RGSL1: variants seen among roughly 807,000 people sequenced by gnomAD.
RGSL1 encodes the protein regulator of G protein signaling protein-like.
In RGSL1, 97 loss-of-function variants were observed where a neutral mutation model predicts 124.7. The observed-to-expected ratio is 0.78, with a 90% CI of 0.66 to 0.92. The LOEUF is 0.92. Ranked by LOEUF, RGSL1 falls within the 40% of genes least tolerant of loss-of-function variation. The probability of loss-of-function intolerance (pLI) is 0.00; values close to 1 mark genes in which losing one functional copy is unlikely to be tolerated. For missense variants in RGSL1, 1,233 were observed against 1,288.4 expected, an observed-to-expected ratio of 0.96 and a Z score of 0.66; for synonymous variants, 424 against 438.1, an observed-to-expected ratio of 0.97 and a Z score of 0.40.
chr1:182,514,483 C>T (rs1048995820), intron 9 of RGSL1, among the ~76,000 whole-genome samples: 6 of 152,180 alleles, frequency 3.9e-5, no homozygotes, highest in African/African-American at 1.4e-4. Context: ...CTCAGGGTCC[C>T]ATTCAAAAGT....
chr1:182,480,043 T>C (rs1045528162), intron 6 of RGSL1, among the ~76,000 whole-genome samples: 7 of 152,212 alleles, frequency 4.6e-5, no homozygotes, highest in African/African-American at 1.7e-4. Context: ...GTTGCTTTAA[T>C]AGAAGACTTC....
intron 9 of RGSL1, among the ~76,000 whole-genome samples, chr1:182,502,265 T>G (rs982163932): frequency 3.3e-5 from 5 of 152,102 alleles, no homozygotes; most frequent in Non-Finnish European, 5.9e-5. Context: ...TAGTCTTTAT[T>G]ATTCCTTTCT....
rs146131024 is a variant in RGSL1 at position 182,504,569 on chromosome 1, G to T, written c.1825+11440G>T. Among the ~76,000 whole-genome samples the T allele has an allele frequency of 2.8e-3, 396 of 139,014 alleles. 6 individuals carry two copies. In the East Asian group the frequency reaches 0.03, roughly 11 times the overall value. The allele number at this position is 139,014 out of a possible 152,430, so 91.2% of individuals were successfully genotyped here. A position where few individuals can be genotyped will look rare whatever the true frequency, so the allele number is the denominator to read the frequency against. On this transcript the variant is annotated intron_variant, in intron 9 of 21. Coordinates refer to ENST00000294854, the MANE Select transcript of RGSL1 (RefSeq NM_001137669.2). Reference sequence around the variant, plus strand: ...TATAATGTAGCAACTATGGAAATTAGATTCTCCCAAGGAAATTAGAAACTC... The same window carrying T: ...TATAATGTAGCAACTATGGAAATTATATTCTCCCAAGGAAATTAGAAACTC...
intron 6 of RGSL1, among the ~76,000 whole-genome samples, chr1:182,474,957 G>C (rs1292071949): frequency 2.6e-5 from 4 of 152,156 alleles, no homozygotes; most frequent in Admixed American, 6.5e-5. Flanking sequence ...CCAGCCCCAA[G>C]TTCATGGAAA....
rs531383715 is a variant in RGSL1, at chr1:182,552,239, G to A, written c.3043+1030G>A. The stretch of plus-strand genomic sequence containing the variant: ...CGCCATTCTCCTGCCTCAGCCTCCC[G>A]GGTAGCTGGGACTACAGGCACCTGC... On this transcript the variant is annotated intron_variant, in intron 18 of 21. Transcript: ENST00000294854. 1.3e-3 allele frequency among the ~76,000 whole-genome samples: 202 copies of A among 151,856 alleles called. 2 individuals are homozygous for A. The highest frequency in any genetic ancestry group is 4.4e-3 in the African/African-American group (184 of 41,396).
At chr1:182,475,324 TG>T (rs1460169999) in intron 6 of RGSL1, among the ~76,000 whole-genome samples, 7 of 152,190 alleles carry the variant, frequency 4.6e-5, no homozygotes, top group African/African-American at 1.7e-4. Flanking sequence ...TCACAGGAAG[TG>T]ATGCCCATCA....
rs1651761600 is a variant in RGSL1, at chr1:182,450,920, G to A, written c.13+742G>A. ...CTAGTACTTTGGGAGGCTGAGGCAG[G>A]TGGATTACCTGAGGTCAGGAGTTCA... On this transcript the variant is annotated intron_variant, in intron 1 of 21. Coordinates refer to ENST00000294854, the MANE Select transcript of RGSL1 (RefSeq NM_001137669.2). Among the ~76,000 whole-genome samples, 3 of 152,138 alleles carry A rather than the reference G, an allele frequency of 2.0e-5. No homozygotes were observed. The South Asian group carries it at 6.2e-4, about 32-fold the overall frequency.
intron 18 of RGSL1, among the ~76,000 whole-genome samples, chr1:182,553,082 T>G (rs939770618): frequency 5.3e-5 from 8 of 151,486 alleles, no homozygotes; most frequent in African/African-American, 1.9e-4. Context: ...TTTTATATTT[T>G]TAATAGAGAT....
chr1:182,513,765 C>A (rs1657649770), intron 9 of RGSL1, among the ~76,000 whole-genome samples: 1 of 152,124 alleles, frequency 6.6e-6, no homozygotes, highest in Admixed American at 6.5e-5. Context: ...ACATCAGGGG[C>A]TGCCTGAATA....
At chr1:182,554,573 G>T in intron 19 of RGSL1, 54 bp from the exon 20 acceptor site, 2 of 1,497,706 alleles carry the variant, frequency 1.3e-6, no homozygotes, top group South Asian at 2.4e-5. Context: ...GCCTTTCAGT[G>T]ACTGCGTCTA....
chr1:182,477,040 T>C (rs1182507121), intron 6 of RGSL1, among the ~76,000 whole-genome samples: 3 of 152,172 alleles, frequency 2.0e-5, no homozygotes, highest in Non-Finnish European at 2.9e-5. Flanking sequence ...TATGGTGAAA[T>C]AGGAGGTCCC....
chr1:182,504,973 A>C (rs1656705828), intron 9 of RGSL1, among the ~76,000 whole-genome samples: 3 of 152,118 alleles, frequency 2.0e-5, no homozygotes, highest in Admixed American at 6.5e-5. Context: ...ATCCAGTTCT[A>C]GGTATGTATA....
chr1:182,554,691 G>T lies in RGSL1; in HGVS notation c.3195G>T (p.Gln1065His). The change falls in exon 20 of 22, where the codon CAG (glutamine) becomes CAT (histidine). Residue 1065 changes from glutamine (Q) to histidine (H), a missense_variant and splice_region_variant. By Grantham distance (24) the Gln-to-His change is conservative. Transcript: ENST00000294854. ...VVSAMQLHPV[Q>H]GQKLSYIKKE... ...CTGCCATGCAGCTGCATCCCGTCCA[G>T]GGGTAGGCATGAGCTGGAAATCCTC... The T allele has an allele frequency of 6.4e-7, 1 of 1,551,618 alleles. No individual in the cohort carries two copies. Among genetic ancestry groups the T allele is most frequent in the South Asian group, 1.2e-5 (1 of 84,056 alleles).
At chr1:182,448,120 T>C (rs1057446032), upstream of RGSL1, 9 of 152,132 alleles carry the variant, frequency 5.9e-5, no homozygotes, top group Non-Finnish European at 1.5e-5. Context: ...ATGCCCAGAG[T>C]TTTGCAAACC....
At chr1:182,530,952 A>G (rs1485502087) in intron 13 of RGSL1, 42 bp downstream of exon 13, 8 of 1,528,818 alleles carry the variant, frequency 5.2e-6, no homozygotes, top group Non-Finnish European at 7.0e-6. Context: ...AGAGACAAGA[A>G]AACCATCGTC....
At chr1:182,560,189 C>G (rs2102353415) in intron 21 of RGSL1, 90 bp from the exon 22 acceptor site, 1 of 152,350 alleles carries the variant, frequency 6.6e-6, no homozygotes, top group Admixed American at 6.5e-5. Flanking sequence ...TGACGACCAC[C>G]ATAAAGAAGA....
At position 182,472,455 on chromosome 1, in the gene RGSL1, G is replaced by C. The variant is rs1283352479; in HGVS notation, c.361G>C (p.Asp121His). 3 of 1,551,132 alleles carry C rather than the reference G, an allele frequency of 1.9e-6. No homozygotes were observed. The highest frequency in any genetic ancestry group is 3.9e-5 in the Admixed American group (2 of 50,968). ...AENILSIDEM[D>H]LEVRDYYLSL... ...GAACATCCTGAGCATAGATGAGATG[G>C]ACCTGGAAGTGAGAGACTACTACCT... The change falls in exon 5 of 22, where the codon GAC becomes CAC. Residue 121 changes from aspartate to histidine, a missense_variant. Asp to His is a moderately conservative substitution (Grantham distance 81). Coordinates refer to ENST00000294854, the MANE Select transcript of RGSL1 (RefSeq NM_001137669.2).
intron 21 of RGSL1, among the ~76,000 whole-genome samples, chr1:182,559,201 C>T (rs1459941980): frequency 1.3e-5 from 2 of 152,198 alleles, no homozygotes; most frequent in Admixed American, 6.5e-5. Context: ...AGATCCCTAG[C>T]CCCTAGCTTC....
chr1:182,559,392 A>G (rs1445763199), intron 21 of RGSL1, among the ~76,000 whole-genome samples: 1 of 152,118 alleles, frequency 6.6e-6, no homozygotes, highest in Non-Finnish European at 1.5e-5. Flanking sequence ...CATATTTTAC[A>G]TGCAGGAAAG....
Sources: gnomAD v4.1 joint callset for allele counts (sites outside exome capture counted in the v4.1 genomes callset) on GRCh38, gnomAD v4.1.1 for gene constraint, MANE v1.5 for transcripts, NCBI Gene and HGNC (gene_info 2026-07-23, HGNC 2026-07-21) for gene names.